The following RNF130 variants were observed in gnomAD, a reference collection of about 807,000 sequenced individuals.
The protein encoded by RNF130 is ring finger protein 130, also known as E3 ubiquitin-protein ligase RNF130.
A neutral mutation model predicts 44.6 loss-of-function variants in RNF130; 21 were observed. The ratio of observed to expected loss-of-function variants is 0.47; its 90% CI spans 0.33 to 0.68. RNF130 has a LOEUF of 0.68. Among genes scored for constraint, RNF130 ranks in the 30% least tolerant of loss-of-function variants. RNF130 has a pLI of 0.02. For synonymous variants in RNF130, 214 were observed against 210.4 expected, an observed-to-expected ratio of 1.02 and a Z score of -0.15; for missense variants, 479 against 560.6, an observed-to-expected ratio of 0.85 and a Z score of 1.47.
chr5:179,933,953 C>A, intron 7 of RNF130: 1 of 427,578 alleles, frequency 2.3e-6, no homozygotes, highest in South Asian at 2.2e-5. Context: ...GATCTTTGAG[C>A]TGCACCTCCA....
In RNF130 at chr5:180,061,068, C is replaced by CAAAAAA. The variant is rs57744473; in HGVS notation, c.247+10382_247+10387dup. On this transcript the variant is annotated intron_variant, in intron 1 of 8. Transcript: ENST00000521389. The stretch of plus-strand genomic sequence containing the variant: ...CCTGGGCGACAGCGAGACTCCGTCT[C>CAAAAAA]AAAAAAAAAAAAAAAAAAAAAAAAA... Among the ~76,000 whole-genome samples the CAAAAAA allele has an allele frequency of 3.0e-4, 16 of 53,588 alleles. 1 individual carries two copies. Among genetic ancestry groups the CAAAAAA allele is most frequent in the East Asian group, 5.6e-4 (1 of 1,796 alleles). The allele number at this position is 53,588 out of a possible 152,430, so 35.2% of individuals were successfully genotyped here.
intron 1 of RNF130, among the ~76,000 whole-genome samples, chr5:180,055,290 A>AAAC (rs1561709682): frequency 3.0e-5 from 3 of 100,056 alleles, no homozygotes; most frequent in Non-Finnish European, 4.5e-5. Flanking sequence ...ACAAAAAAAA[A>AAAC]CAGCAAACAA....
chr5:179,990,722 T>A (rs1182781043), intron 3 of RNF130, among the ~76,000 whole-genome samples: 1 of 152,228 alleles, frequency 6.6e-6, no homozygotes, highest in Non-Finnish European at 1.5e-5. Flanking sequence ...CAAGGAGCCC[T>A]CTGGTGGCCC....
At chr5:179,932,448 C>T (rs553833894) in intron 7 of RNF130, among the ~76,000 whole-genome samples, 18 of 151,984 alleles carry the variant, frequency 1.2e-4, no homozygotes, top group Admixed American at 7.2e-4. Flanking sequence ...TTAGTAGAGA[C>T]GGGGTTTCAC....
chr5:180,070,300 C>T (rs79421803), intron 1 of RNF130, among the ~76,000 whole-genome samples: 2,992 of 152,274 alleles, frequency 0.02, 41 homozygotes, highest in Non-Finnish European at 0.031. Context: ...GAGATATGCA[C>T]CTTAAGCACC....
chr5:179,944,119 C>G (rs985582380), intron 7 of RNF130, among the ~76,000 whole-genome samples: 1 of 151,716 alleles, frequency 6.6e-6, no homozygotes, highest in African/African-American at 2.4e-5. Context: ...CTACAGGTGC[C>G]TGCCACCATG....
chr5:179,913,707 G>C (rs1262270989), exon 8 of RNF130: 2 of 152,186 alleles, frequency 1.3e-5, no homozygotes. Context: ...CAAAAAAGAG[G>C]GTGAACCTTT....
At chr5:180,057,286 C>T (rs554519888) in intron 1 of RNF130, among the ~76,000 whole-genome samples, 42 of 152,302 alleles carry the variant, frequency 2.8e-4, no homozygotes, top group Middle Eastern at 6.8e-3. Flanking sequence ...CAGTGGCTCA[C>T]GCCTGTAATC....
intron 7 of RNF130, among the ~76,000 whole-genome samples, chr5:179,936,758 G>A (rs542020632): frequency 6.6e-6 from 1 of 152,308 alleles, no homozygotes; most frequent in Non-Finnish European, 1.5e-5. Context: ...GCATGGTACT[G>A]CCATAAACAC....
At position 179,977,993 on chromosome 5, in the gene RNF130, T is replaced by G. The variant is rs1028766861; in HGVS notation, c.848+210A>C. ...GCCGCGTGCCACATCGCATATTGGCTACACCTCGGAAGGCCGTGCAGCCCG... is the reference window on the plus strand; with the variant it reads ...GCCGCGTGCCACATCGCATATTGGCGACACCTCGGAAGGCCGTGCAGCCCG... On this transcript the variant is annotated intron_variant, in intron 5 of 8. Transcript: ENST00000521389. The surrounding 1 kb of genome is among the most constrained non-coding windows in gnomAD (Gnocchi z 4.1). Among the ~76,000 whole-genome samples, 12 of 152,258 alleles carry G rather than the reference T, an allele frequency of 7.9e-5. No individual in the cohort carries two copies. Among genetic ancestry groups the G allele is most frequent in the African/African-American group, 2.2e-4 (9 of 41,470 alleles).
chr5:179,933,711 T>C, intron 7 of RNF130: 1 of 329,366 alleles, frequency 3.0e-6, no homozygotes, highest in South Asian at 2.9e-5. Flanking sequence ...TTTGTAGAGA[T>C]GGAATTTCAC....
intron 2 of RNF130, 48 bp from the exon 3 acceptor site, chr5:180,013,359 G>A (rs1005778207): frequency 8.0e-6 from 12 of 1,502,960 alleles, no homozygotes; most frequent in Admixed American, 4.0e-5. Context: ...TAAAACTTAT[G>A]GAAACATCAA....
intron 3 of RNF130, among the ~76,000 whole-genome samples, chr5:180,007,026 A>C (rs1448009122): frequency 6.6e-6 from 1 of 152,220 alleles, no homozygotes; most frequent in African/African-American, 2.4e-5. Flanking sequence ...AATTGTGAGC[A>C]TTTTACTATG....
At chr5:179,963,701 G>C in intron 7 of RNF130, 137 bp from the exon 8 acceptor site, 1 of 672,916 alleles carries the variant, frequency 1.5e-6, no homozygotes, top group Non-Finnish European at 2.7e-6. Flanking sequence ...AGTGAAGCAG[G>C]AGGTTTGCCA....
intron 3 of RNF130, among the ~76,000 whole-genome samples, chr5:179,995,756 GTAT>G (rs1392585532): frequency 6.6e-6 from 1 of 152,216 alleles, no homozygotes; most frequent in East Asian, 1.9e-4. Flanking sequence ...CCCATCTCCT[GTAT>G]TGGGGATTTT....
intron 2 of RNF130, among the ~76,000 whole-genome samples, chr5:180,016,047 C>T (rs573568641): frequency 2.0e-5 from 3 of 152,146 alleles, no homozygotes; most frequent in Non-Finnish European, 4.4e-5. Flanking sequence ...GAAGAGAAGC[C>T]GCTCGCGGTG....
At chr5:179,949,926 C>T (rs1021767854) in intron 7 of RNF130, among the ~76,000 whole-genome samples, 2 of 152,192 alleles carry the variant, frequency 1.3e-5, no homozygotes, top group African/African-American at 4.8e-5. Flanking sequence ...TATAATCTTG[C>T]TAAAACTTCT....
At chr5:180,048,153 G>A (rs1263835502) in intron 1 of RNF130, among the ~76,000 whole-genome samples, 1 of 152,170 alleles carries the variant, frequency 6.6e-6, no homozygotes. Context: ...AATCGGGAGA[G>A]GAAAGTGGAA....
intron 7 of RNF130, among the ~76,000 whole-genome samples, chr5:179,922,089 C>T (rs1462990390): frequency 1.3e-5 from 2 of 151,698 alleles, no homozygotes. Context: ...GTCTCAGCTC[C>T]TTTTCATACT....
Sources: gnomAD v4.1 joint callset for allele counts (sites outside exome capture counted in the v4.1 genomes callset) on GRCh38, gnomAD v4.1.1 for gene constraint, Gnocchi (gnomAD v3.1) non-coding constraint, MANE v1.5 for transcripts, NCBI Gene and HGNC (gene_info 2026-07-23, HGNC 2026-07-21) for gene names.